XXYLT1: variants seen among roughly 807,000 people sequenced by gnomAD.
The protein encoded by XXYLT1 is UDP-xylose:alpha-xyloside alpha-1,3-xylosyltransferase.
In XXYLT1, 20 loss-of-function variants were observed where a neutral mutation model predicts 28.9. That is an observed-to-expected ratio of 0.69 (90% CI 0.49 to 1.00). The LOEUF (loss-of-function observed/expected upper bound fraction) is 1.00. Ranked by LOEUF, XXYLT1 falls within the 50% of genes least tolerant of loss-of-function variation. The pLI, the probability that XXYLT1 is intolerant of heterozygous loss-of-function variation, is 0.00. For missense variants in XXYLT1, 542 were observed against 560.1 expected (o/e 0.97, Z 0.33); for synonymous variants, 257 against 253.8 (o/e 1.01, Z -0.12).
At chr3:195,122,416 T>C (rs758496483) in intron 3 of XXYLT1, among the ~76,000 whole-genome samples, 5 of 152,166 alleles carry the variant, frequency 3.3e-5, no homozygotes, top group Non-Finnish European at 5.9e-5. Context: ...AGCTGGAATG[T>C]AGTACTGAGT....
rs371462369 is a variant in XXYLT1 at position 195,256,068 on chromosome 3, C to T, written c.504+14487G>A. ...AGCAGGCACAGGGGCACCGTGGGAA[C>T]CCTTCTGGTGGGGCCCCAGCTCTCA... is the stretch of plus-strand genomic sequence containing the variant. On this transcript the variant is annotated intron_variant, in intron 1 of 3. Coordinates refer to ENST00000310380, the MANE Select transcript of XXYLT1 (RefSeq NM_152531.5). The surrounding 1 kb of genome is among the most constrained non-coding windows in gnomAD (Gnocchi z 4.2). 6.6e-6 allele frequency among the ~76,000 whole-genome samples: 1 copy of T among 152,182 alleles called. No homozygotes were observed. The highest frequency in any genetic ancestry group is 6.5e-5 in the Admixed American group (1 of 15,286).
rs1269959367 is a variant in XXYLT1 at position 195,150,618 on chromosome 3, G to A, written c.785+5831C>T. 6.6e-6 allele frequency among the ~76,000 whole-genome samples: 1 copy of A among 152,134 alleles called. No homozygotes were observed. Among genetic ancestry groups the A allele is most frequent in the African/African-American group, 2.4e-5 (1 of 41,418 alleles). On this transcript the variant is annotated intron_variant, in intron 3 of 3. Coordinates refer to ENST00000310380, the MANE Select transcript of XXYLT1 (RefSeq NM_152531.5). This position sits in a 1 kb window ranked among gnomAD's most constrained non-coding sequence, Gnocchi z 4.7. ...GAATAGCCTGCCGCTTCCTCCTCAG[G>A]GTGGGCCGGGGCTCACACAGCACAC...
chr3:195,216,406 G>A (rs1430041096), intron 2 of XXYLT1, among the ~76,000 whole-genome samples: 1 of 149,952 alleles, frequency 6.7e-6, no homozygotes, highest in Non-Finnish European at 1.5e-5. Flanking sequence ...AAAATTGATA[G>A]ACCACTAGCA....
intron 3 of XXYLT1, among the ~76,000 whole-genome samples, chr3:195,135,630 A>C (rs376236783): frequency 6.6e-6 from 1 of 152,328 alleles, no homozygotes. Context: ...ACTGTGGCAG[A>C]AGTCAGCTGC....
chr3:195,199,766 G>A (rs1047726282), intron 2 of XXYLT1, among the ~76,000 whole-genome samples: 4 of 152,144 alleles, frequency 2.6e-5, no homozygotes, highest in South Asian at 2.1e-4. Context: ...CCCCAGCCTC[G>A]CAGTGCACTT....
intron 3 of XXYLT1, among the ~76,000 whole-genome samples, chr3:195,107,805 G>C (rs1344664877): frequency 1.3e-5 from 2 of 151,878 alleles, no homozygotes; most frequent in African/African-American, 4.8e-5. Context: ...GGCCTCATGA[G>C]GCCAACTTGG....
At chr3:195,084,582 G>A (rs141432303) in intron 3 of XXYLT1, among the ~76,000 whole-genome samples, 175 of 152,252 alleles carry the variant, frequency 1.1e-3, no homozygotes, top group African/African-American at 3.7e-3. Context: ...AAAGTAAACC[G>A]TACTCTTTTC....
At chr3:195,237,948 C>G (rs539004592) in intron 1 of XXYLT1, among the ~76,000 whole-genome samples, 2 of 152,122 alleles carry the variant, frequency 1.3e-5, no homozygotes, top group South Asian at 4.1e-4. Context: ...CCTGCGACCT[C>G]TCTGACAGGT....
chr3:195,248,305 G>A (rs539589613), intron 1 of XXYLT1, among the ~76,000 whole-genome samples: 20 of 152,324 alleles, frequency 1.3e-4, no homozygotes, highest in Admixed American at 9.1e-4. Context: ...GTTTGGCTGT[G>A]TCTCTCCCCA....
intron 2 of XXYLT1, among the ~76,000 whole-genome samples, chr3:195,169,171 C>T (rs1721272818): frequency 6.6e-6 from 1 of 152,258 alleles, no homozygotes; most frequent in African/African-American, 2.4e-5. Flanking sequence ...TCGCAGCAGT[C>T]CCTGCTGGCC....
At chr3:195,101,639 T>A (rs1716778327) in intron 3 of XXYLT1, among the ~76,000 whole-genome samples, 1 of 151,754 alleles carries the variant, frequency 6.6e-6, no homozygotes, top group African/African-American at 2.4e-5. Context: ...CTTTTAAAGA[T>A]GAAATATATG....
At chr3:195,251,351 G>A (rs552608324) in intron 1 of XXYLT1, among the ~76,000 whole-genome samples, 2 of 152,364 alleles carry the variant, frequency 1.3e-5, no homozygotes, top group African/African-American at 4.8e-5. Flanking sequence ...AGGGAAGGCG[G>A]GGCCCAGCCA....
intron 3 of XXYLT1, among the ~76,000 whole-genome samples, chr3:195,082,197 T>C (rs1215246451): frequency 6.6e-6 from 1 of 152,214 alleles, no homozygotes; most frequent in Non-Finnish European, 1.5e-5. Context: ...GCTGTGTGTG[T>C]CAAGGGTGGC....
At chr3:195,194,239 A>G (rs1403277284) in intron 2 of XXYLT1, among the ~76,000 whole-genome samples, 1 of 150,858 alleles carries the variant, frequency 6.6e-6, no homozygotes, top group Non-Finnish European at 1.5e-5. Context: ...TAATATATAT[A>G]TTATATATAT....
chr3:195,177,135 G>T (rs1721707403), intron 2 of XXYLT1, among the ~76,000 whole-genome samples: 1 of 152,190 alleles, frequency 6.6e-6, no homozygotes, highest in Non-Finnish European at 1.5e-5. Context: ...ACCTCCTGTG[G>T]GCTTCCCAGG....
intron 3 of XXYLT1, among the ~76,000 whole-genome samples, chr3:195,104,754 C>T (rs969792414): frequency 1.7e-4 from 26 of 152,108 alleles, no homozygotes; most frequent in African/African-American, 5.8e-4. Context: ...GCAACTAATA[C>T]AAAGTAACAA....
rs1047400319 is a variant in XXYLT1, at chr3:195,176,876, G to A, written c.653-20295C>T. Among the ~76,000 whole-genome samples, 1 of 152,174 alleles carries A rather than the reference G, an allele frequency of 6.6e-6. No individual in the cohort carries two copies. The highest frequency in any genetic ancestry group is 1.9e-4 in the East Asian group (1 of 5,194). ...GCTGGAAAGGTGATCTGAGAGGTAG[G>A]ACAAGGCCGACTCCTTGGAACCAGC... On this transcript the variant is annotated intron_variant, in intron 2 of 3. Coordinates refer to ENST00000310380, the MANE Select transcript of XXYLT1 (RefSeq NM_152531.5). This position sits in a 1 kb window ranked among gnomAD's most constrained non-coding sequence, Gnocchi z 4.9.
intron 3 of XXYLT1, among the ~76,000 whole-genome samples, chr3:195,136,029 G>T (rs188903424): frequency 5.5e-4 from 83 of 152,268 alleles, no homozygotes; most frequent in African/African-American, 1.9e-3. Context: ...ATTTCCCAAT[G>T]ATCAGAAGCC....
At chr3:195,237,976 T>TC (rs1724623929) in intron 1 of XXYLT1, among the ~76,000 whole-genome samples, 1 of 151,998 alleles carries the variant, frequency 6.6e-6, no homozygotes, top group Non-Finnish European at 1.5e-5. Flanking sequence ...CCTCCTACCT[T>TC]CCCCACTGCC....
Sources: allele counts gnomAD v4.1 joint callset (sites outside exome capture counted in the v4.1 genomes callset), GRCh38; gene constraint gnomAD v4.1.1; non-coding constraint Gnocchi (gnomAD v3.1); transcripts MANE v1.5; gene names NCBI Gene and HGNC (gene_info 2026-07-23, HGNC 2026-07-21).